Variants in ATP1A3 observed in about 807,000 individuals in gnomAD.
The protein encoded by ATP1A3 is sodium/potassium-transporting ATPase subunit alpha-3.
Under a neutral mutation model 108.8 loss-of-function variants are expected in ATP1A3, and 12 were observed. The observed-to-expected ratio is 0.11, with a 90% CI of 0.07 to 0.18. The LOEUF is 0.18. ATP1A3 is among the 10% of genes least tolerant of loss of function. The probability of loss-of-function intolerance (pLI) is 1.00; values close to 1 mark genes in which losing one functional copy is unlikely to be tolerated. For missense variants in ATP1A3, 498 were observed against 1,387.7 expected (o/e 0.36, Z 10.19); for synonymous variants, 539 against 564.5 (o/e 0.95, Z 0.64).
chr19:41,973,649 G>A (rs146481157), intron 16 of ATP1A3, among the ~76,000 whole-genome samples: 4 of 152,208 alleles, frequency 2.6e-5, no homozygotes, highest in East Asian at 3.9e-4. Context: ...CTATCACAGC[G>A]GCCTGCTTTC....
chr19:41,967,656 A>G lies in ATP1A3; in HGVS notation c.2921+6T>C. 6.2e-7 allele frequency: 1 copy of G among 1,613,478 alleles called. No homozygotes were observed. The highest frequency in any genetic ancestry group is 1.1e-5 in the South Asian group (1 of 91,052). ...TGGGCAGGGCTGGGGGCAGCGGGGCACTCACTTGAGAGGGTACATGCGCAG... is the reference window on the plus strand; with the variant it reads ...TGGGCAGGGCTGGGGGCAGCGGGGCGCTCACTTGAGAGGGTACATGCGCAG... On this transcript the variant is annotated splice_donor_region_variant and intron_variant, in intron 21 of 22. Transcript: ENST00000648268. The surrounding 1 kb of genome is among the most constrained non-coding windows in gnomAD (Gnocchi z 4.2).
rs2075056545 is a variant in ATP1A3, at chr19:41,967,521, T to C, written c.2921+141A>G. The C allele has an allele frequency of 1.8e-5, 20 of 1,112,348 alleles. No homozygotes were observed. Among genetic ancestry groups the C allele is most frequent in the Non-Finnish European group, 2.3e-5 (18 of 782,876 alleles). 68.9% of individuals were successfully genotyped at this position (1,112,348 alleles called of 1,614,324 possible). On this transcript the variant is annotated intron_variant, in intron 21 of 22. Coordinates refer to ENST00000648268, the MANE Select transcript of ATP1A3 (RefSeq NM_152296.5). This position sits in a 1 kb window ranked among gnomAD's most constrained non-coding sequence, Gnocchi z 4.2. ...AGTAATCCGTGGTGGGAGCAGCCTATGGGGGAGGCTCGGGGGCATCAGAAT... is the reference window on the plus strand; with the variant it reads ...AGTAATCCGTGGTGGGAGCAGCCTACGGGGGAGGCTCGGGGGCATCAGAAT...
chr19:41,979,431 C>T (rs1344544388), intron 11 of ATP1A3, among the ~76,000 whole-genome samples: 1 of 152,072 alleles, frequency 6.6e-6, no homozygotes, highest in African/African-American at 2.4e-5. Context: ...CCTCCCGCTT[C>T]GGTCTCCCAC....
chr19:41,980,066 G>A (rs1490068389), intron 11 of ATP1A3, among the ~76,000 whole-genome samples: 1 of 152,152 alleles, frequency 6.6e-6, no homozygotes, highest in African/African-American at 2.4e-5. Context: ...GTTCAGATGC[G>A]TCAGCACACT....
At chr19:41,991,587 G>T (rs376551973) in intron 1 of ATP1A3, among the ~76,000 whole-genome samples, 1 of 152,178 alleles carries the variant, frequency 6.6e-6, no homozygotes, top group South Asian at 2.1e-4. Flanking sequence ...GAGGCCAGGA[G>T]AGGGGTGAGA....
chr19:41,975,558 C>G, intron 16 of ATP1A3, 71 bp downstream of exon 16: 2 of 1,600,882 alleles, frequency 1.2e-6, no homozygotes, highest in Non-Finnish European at 1.7e-6. Flanking sequence ...GCAGCCCTGG[C>G]CAGTTCCCCT....
Position 41,973,546 on chromosome 19 carries a change from G to A in ATP1A3, c.2263+2083C>T, listed in dbSNP as rs372522041. On this transcript the variant is annotated intron_variant, in intron 16 of 22. Coordinates refer to ENST00000648268, the MANE Select transcript of ATP1A3 (RefSeq NM_152296.5). ...GCTGGGATTACAGGCGTGAGCCCCC[G>A]TGCCTGGCCCCTGACGGAAGTTAGG... is the stretch of plus-strand genomic sequence containing the variant. 6.6e-4 allele frequency among the ~76,000 whole-genome samples: 100 copies of A among 151,930 alleles called. 1 individual carries two copies. Among genetic ancestry groups the A allele is most frequent in the East Asian group, 5.5e-3 (28 of 5,100 alleles).
In ATP1A3 at chr19:41,970,327, G is replaced by A. The variant is rs2075089320; in HGVS notation, c.2419-19C>T. ...CAGGGACCTAGGCGGAGGAGGCCGG[G>A]TGAGCCGGAGAGGGGAGGACTCCAC... is the stretch of plus-strand genomic sequence containing the variant. On this transcript the variant is annotated intron_variant, in intron 17 of 22. Coordinates refer to ENST00000648268, the MANE Select transcript of ATP1A3 (RefSeq NM_152296.5). 1 of 1,614,046 alleles carries A rather than the reference G, an allele frequency of 6.2e-7. No homozygotes were observed. Among genetic ancestry groups the A allele is most frequent in the Non-Finnish European group, 8.5e-7 (1 of 1,179,996 alleles).
At chr19:41,969,227 T>C (rs2075076095) in intron 19 of ATP1A3, among the ~76,000 whole-genome samples, 1 of 152,058 alleles carries the variant, frequency 6.6e-6, no homozygotes, top group South Asian at 2.1e-4. Context: ...GAAGAAGGCC[T>C]GGCAGGGCAG....
Position 41,985,543 on chromosome 19 carries a change from C to T in ATP1A3, c.607-120G>A. 1 of 1,054,592 alleles carries T rather than the reference C, an allele frequency of 9.5e-7. No homozygotes were observed. Among genetic ancestry groups the T allele is most frequent in the Non-Finnish European group, 1.5e-6 (1 of 688,960 alleles). 65.3% of individuals were successfully genotyped at this position (1,054,592 alleles called of 1,614,324 possible). A position where few individuals can be genotyped will look rare whatever the true frequency, so the allele number is the denominator to read the frequency against. ...GAGATCACAGCTAGAAGCCTGGGTG[C>T]CCAGTGGGTGAGTGGTGTGTGGGAG... On this transcript the variant is annotated intron_variant, in intron 6 of 22. Coordinates refer to ENST00000648268, the MANE Select transcript of ATP1A3 (RefSeq NM_152296.5). This position sits in a 1 kb window ranked among gnomAD's most constrained non-coding sequence, Gnocchi z 8.2.
Position 41,985,331 on chromosome 19 carries a change from G to T in ATP1A3, c.699C>A (p.Thr233=), listed in dbSNP as rs782340681. The T allele has an allele frequency of 1.9e-6, 3 of 1,614,234 alleles. No homozygotes were observed. In the East Asian group the frequency reaches 6.7e-5, roughly 36 times the overall value. Residue 233 remains threonine (T), a synonymous_variant, in exon 7 of 23, where the codon ACC becomes ACA. Transcript: ENST00000648268. The surrounding 1 kb of genome is among the most constrained non-coding windows in gnomAD (Gnocchi z 8.2). ...HDNPLETRNI[T]FFSTNCVEGT... Reference sequence around the variant, plus strand: ...CTTCCACACAGTTGGTGGAAAAGAAGGTGATGTTCCGAGTCTCCAAGGGGT... The same window carrying T: ...CTTCCACACAGTTGGTGGAAAAGAATGTGATGTTCCGAGTCTCCAAGGGGT...
chr19:41,993,836 G>T, intron 1 of ATP1A3: 1 of 743,134 alleles, frequency 1.3e-6, no homozygotes, highest in Non-Finnish European at 2.1e-6. Context: ...CTGAGGGCTG[G>T]CCCACAACCT....
chr19:41,976,388 T>G, intron 15 of ATP1A3, 28 bp downstream of exon 15: 2 of 1,613,392 alleles, frequency 1.2e-6, no homozygotes, highest in Non-Finnish European at 1.7e-6. Flanking sequence ...CAAGGCCCCG[T>G]CCCCTCCTCT....
chr19:41,971,607 C>A (rs1555859897), intron 16 of ATP1A3, among the ~76,000 whole-genome samples: 1 of 152,160 alleles, frequency 6.6e-6, no homozygotes, highest in African/African-American at 2.4e-5. Context: ...ACAGCTGGAC[C>A]TTGGATCCCG....
intron 15 of ATP1A3, 143 bp from the exon 16 acceptor site, chr19:41,975,940 A>G (rs1401738439): frequency 6.0e-6 from 7 of 1,160,822 alleles, no homozygotes; most frequent in Non-Finnish European, 8.8e-6. Context: ...CCTCAGACCT[A>G]GGAGTTCAGG....
rs781880173 is a variant in ATP1A3, at chr19:41,970,172, C to T, written c.2542+13G>A. ...CACTGGGTGGTAAGGAGATGGAGTC[C>T]CCGGTGCCTCACCAATCTGCCCGTA... On this transcript the variant is annotated intron_variant, in intron 18 of 22. Transcript: ENST00000648268. 10 of 1,614,216 alleles carry T rather than the reference C, an allele frequency of 6.2e-6. 1 individual carries two copies. In the East Asian group the frequency reaches 2.2e-4, roughly 36 times the overall value.
At chr19:41,984,504 G>A (rs977618366) in intron 8 of ATP1A3, 2 of 193,946 alleles carry the variant, frequency 1.0e-5, no homozygotes, top group East Asian at 1.2e-4. Flanking sequence ...GGATTACAGC[G>A]TGAGCCAGTG....
chr19:41,988,086 T>A lies in ATP1A3; in HGVS notation c.207A>T (p.Ala69=), dbSNP rs200616931. 866 of 1,613,890 alleles carry A rather than the reference T, an allele frequency of 5.4e-4. 8 individuals carry two copies. The South Asian group carries it at 8.5e-3, about 16-fold the overall frequency. Residue 69 remains alanine (A), a synonymous_variant, in exon 4 of 23, where the codon GCA becomes GCT. Coordinates refer to ENST00000648268, the MANE Select transcript of ATP1A3 (RefSeq NM_152296.5). The surrounding 1 kb of genome is among the most constrained non-coding windows in gnomAD (Gnocchi z 5.3). The part of the protein sequence containing the change: ...QEILARDGPN[A]LTPPPTTPEW... ...CTGGGGTGGTAGGCGGTGGCGTGAG[T>A]GCGTTAGGCCCATCCCGGGCCAGGA...
Position 41,994,162 on chromosome 19 carries a change from T to G in ATP1A3, c.-86A>C. 1 of 1,334,342 alleles carries G rather than the reference T, an allele frequency of 7.5e-7. No individual in the cohort carries two copies. Among genetic ancestry groups the G allele is most frequent in the Middle Eastern group, 2.5e-4 (1 of 3,940 alleles). 82.7% of individuals were successfully genotyped at this position (1,334,342 alleles called of 1,614,324 possible). A position where few individuals can be genotyped will look rare whatever the true frequency, so the allele number is the denominator to read the frequency against. On this transcript the variant is annotated 5_prime_UTR_variant, in exon 1 of 23. Coordinates refer to ENST00000648268, the MANE Select transcript of ATP1A3 (RefSeq NM_152296.5). ...GGCTCAGGCTTGGGCTGGGAGCCTC[T>G]GCAGCGCCCGCGCCTCGGTAGGTGC...
Sources: allele counts gnomAD v4.1 joint callset (sites outside exome capture counted in the v4.1 genomes callset), GRCh38; gene constraint gnomAD v4.1.1; non-coding constraint Gnocchi (gnomAD v3.1); transcripts MANE v1.5; gene names NCBI Gene and HGNC (gene_info 2026-07-23, HGNC 2026-07-21).